The following EDIL3 variants were observed in gnomAD, a reference collection of about 807,000 sequenced individuals.
EDIL3 encodes EGF like and discoidin domains 3.
Under a neutral mutation model 67.4 loss-of-function variants are expected in EDIL3, and 37 were observed. The ratio of observed to expected loss-of-function variants is 0.55; its 90% confidence interval spans 0.42 to 0.72. EDIL3 has a LOEUF of 0.72. EDIL3 is among the 30% of genes least tolerant of loss of function. EDIL3 has a pLI of 0.00. For synonymous variants in EDIL3, 195 were observed against 196.3 expected, an observed-to-expected ratio of 0.99 and a Z score of 0.05; for missense variants, 527 against 586.3, an observed-to-expected ratio of 0.90 and a Z score of 1.04.
intron 1 of EDIL3, among the ~76,000 whole-genome samples, chr5:84,300,386 GC>G (rs995813617): frequency 1.3e-5 from 2 of 152,158 alleles, no homozygotes; most frequent in African/African-American, 4.8e-5. Context: ...AGGCCCCTTA[GC>G]CTTAACGACA....
intron 1 of EDIL3, among the ~76,000 whole-genome samples, chr5:84,303,850 T>TGTGTGTGTGTTTG (rs34555925): frequency 4.3e-4 from 43 of 99,188 alleles, no homozygotes; most frequent in African/African-American, 1.6e-3. Context: ...GTGTGTGTGT[T>TGTGTGTGTGTTTG]TGTGTGTGTG....
chr5:84,039,157 G>A (rs995976641), intron 9 of EDIL3, among the ~76,000 whole-genome samples: 2 of 151,774 alleles, frequency 1.3e-5, no homozygotes, highest in African/African-American at 4.8e-5. Flanking sequence ...ACAGCTTTGA[G>A]GATTTTAAAT....
chr5:84,271,386 C>A (rs1324024331), intron 1 of EDIL3, among the ~76,000 whole-genome samples: 4 of 150,622 alleles, frequency 2.7e-5, no homozygotes, highest in African/African-American at 9.8e-5. Context: ...TGCACTCCAG[C>A]CTGGGCGACA....
At chr5:84,069,195 C>T (rs867933963) in intron 6 of EDIL3, among the ~76,000 whole-genome samples, 5 of 152,188 alleles carry the variant, frequency 3.3e-5, no homozygotes, top group Middle Eastern at 3.4e-3. Flanking sequence ...TGTTGTTCCA[C>T]TGGGTGGTAG....
intron 9 of EDIL3, among the ~76,000 whole-genome samples, chr5:84,057,276 G>T (rs1369214352): frequency 6.6e-6 from 1 of 152,088 alleles, no homozygotes; most frequent in African/African-American, 2.4e-5. Context: ...TCACACTGAA[G>T]ATTATGCCCT....
intron 6 of EDIL3, 119 bp downstream of exon 6, chr5:84,106,530 C>T: frequency 8.1e-7 from 1 of 1,236,688 alleles, no homozygotes; most frequent in Non-Finnish European, 1.1e-6. Flanking sequence ...CACTAAATTA[C>T]CCTTTCCTCT....
chr5:84,351,712 C>T (rs1747364999), intron 1 of EDIL3, among the ~76,000 whole-genome samples: 1 of 151,986 alleles, frequency 6.6e-6, no homozygotes, highest in South Asian at 2.1e-4. Flanking sequence ...AGAATGCTCT[C>T]CAAGATCCTT....
intron 1 of EDIL3, among the ~76,000 whole-genome samples, chr5:84,331,819 T>C (rs945462779): frequency 2.6e-5 from 4 of 152,194 alleles, no homozygotes; most frequent in Admixed American, 6.5e-5. Flanking sequence ...TAACACTTCA[T>C]GTACATATTC....
intron 3 of EDIL3, among the ~76,000 whole-genome samples, chr5:84,226,539 C>T (rs1744455795): frequency 6.6e-6 from 1 of 151,666 alleles, no homozygotes; most frequent in African/African-American, 2.4e-5. Flanking sequence ...ATTTGCAAAT[C>T]TGATAATATT....
intron 9 of EDIL3, among the ~76,000 whole-genome samples, chr5:84,018,953 TA>T (rs1222556516): frequency 6.6e-6 from 1 of 152,134 alleles, no homozygotes; most frequent in Non-Finnish European, 1.5e-5. Context: ...GGTGGGACTG[TA>T]AACTAGTTCA....
At chr5:84,341,980 C>T (rs1000236451) in intron 1 of EDIL3, among the ~76,000 whole-genome samples, 23 of 151,940 alleles carry the variant, frequency 1.5e-4, no homozygotes, top group Non-Finnish European at 3.2e-4. Context: ...CATAGACCTA[C>T]CATTGATCCA....
At chr5:84,238,666 T>TTTTTTG (rs888410883) in intron 2 of EDIL3, among the ~76,000 whole-genome samples, 12 of 1,446 alleles carry the variant, frequency 8.3e-3, no homozygotes, top group Non-Finnish European at 0.018. Context: ...AAATTAAATG[T>TTTTTTG]TTTTTTTTTT....
chr5:84,210,928 C>A (rs1744104903), intron 3 of EDIL3, among the ~76,000 whole-genome samples: 1 of 152,172 alleles, frequency 6.6e-6, no homozygotes, highest in Non-Finnish European at 1.5e-5. Context: ...AAGAGCCAAA[C>A]TAATTCATTG....
chr5:84,105,750 A>ATG (rs10654447), intron 6 of EDIL3, among the ~76,000 whole-genome samples: 1 of 284 alleles, frequency 3.5e-3, no homozygotes. Flanking sequence ...GATTTTCTAC[A>ATG]ATATTCCCCA....
chr5:84,104,323 A>AC (rs34528253), intron 6 of EDIL3, among the ~76,000 whole-genome samples: 3 of 151,126 alleles, frequency 2.0e-5, no homozygotes, highest in Admixed American at 6.6e-5. Flanking sequence ...TACAACAAAA[A>AC]CCCCATGACA....
chr5:84,350,832 A>G (rs1053736943), intron 1 of EDIL3, among the ~76,000 whole-genome samples: 13 of 152,144 alleles, frequency 8.5e-5, no homozygotes, highest in Admixed American at 8.5e-4. Context: ...AGGAAGAGTG[A>G]CATGTAAAGT....
chr5:84,099,047 T>C (rs1747315398), intron 6 of EDIL3, among the ~76,000 whole-genome samples: 1 of 152,024 alleles, frequency 6.6e-6, no homozygotes, highest in East Asian at 1.9e-4. Flanking sequence ...TTACAAGGGA[T>C]GTGAAGGACC....
At chr5:84,093,584 A>G (rs1747206038) in intron 6 of EDIL3, among the ~76,000 whole-genome samples, 1 of 151,906 alleles carries the variant, frequency 6.6e-6, no homozygotes, top group Non-Finnish European at 1.5e-5. Flanking sequence ...TTTGAAGAAC[A>G]GCAAGAAATT....
rs1162332207 is a variant in EDIL3 at position 84,111,985 on chromosome 5, T to C, written c.470-5155A>G. 2.6e-5 allele frequency among the ~76,000 whole-genome samples: 4 copies of C among 151,918 alleles called. No homozygotes were observed. The East Asian group carries it at 5.8e-4, about 22-fold the overall frequency. ...TGCATAGTGGAGAGAGGAGACAGGA[T>C]AGACACAGGCAGGGAACAGGCTGCT... On this transcript the variant is annotated intron_variant, in intron 5 of 10. Transcript: ENST00000296591.
Sources: allele counts gnomAD v4.1 joint callset (sites outside exome capture counted in the v4.1 genomes callset), GRCh38; gene constraint gnomAD v4.1.1; transcripts MANE v1.5; gene names NCBI Gene and HGNC (gene_info 2026-07-23, HGNC 2026-07-21).